The following EXPH5 variants were observed in gnomAD, a reference collection of about 807,000 sequenced individuals.
EXPH5 encodes the protein exophilin-5.
A neutral mutation model predicts 41.1 loss-of-function variants in EXPH5; 42 were observed. The observed-to-expected ratio is 1.02, with a 90% confidence interval of 0.80 to 1.32. EXPH5 has a LOEUF of 1.32. EXPH5 is among the 40% of genes most tolerant of loss of function. The pLI, the probability that EXPH5 is intolerant of heterozygous loss-of-function variation, is 0.00. For missense variants in EXPH5, 2,298 were observed against 2,314.5 expected (o/e 0.99, Z 0.15); for synonymous variants, 798 against 833.5 (o/e 0.96, Z 0.73).
chr11:108,584,319 TA>T (rs901534068), intron 1 of EXPH5, among the ~76,000 whole-genome samples: 19 of 151,120 alleles, frequency 1.3e-4, no homozygotes, highest in African/African-American at 3.9e-4. Flanking sequence ...CTACTAAAAA[TA>T]AAAAAAAATT....
At chr11:108,569,252 T>C (rs1055789513) in intron 1 of EXPH5, among the ~76,000 whole-genome samples, 1 of 152,168 alleles carries the variant, frequency 6.6e-6, no homozygotes, top group African/African-American at 2.4e-5. Flanking sequence ...AGACTTCCCA[T>C]GAAGTTAAAT....
chr11:108,517,875 C>T (rs1042807752), intron 5 of EXPH5, among the ~76,000 whole-genome samples: 5 of 152,086 alleles, frequency 3.3e-5, no homozygotes, highest in African/African-American at 1.2e-4. Context: ...TCTCCTGCCT[C>T]AGCCTCCCAA....
chr11:108,516,462 CTTTTGAGG>C (rs2093727619), intron 5 of EXPH5, among the ~76,000 whole-genome samples: 1 of 152,122 alleles, frequency 6.6e-6, no homozygotes, highest in Non-Finnish European at 1.5e-5. Context: ...GAATCATAAT[CTTTTGAGG>C]TGTGTAGACT....
chr11:108,510,556 C>T lies in EXPH5; in HGVS notation c.4951G>A (p.Ala1651Thr), dbSNP rs1354863795. ...PLFPEPTPKS[A>T]ESIGESRLSE... is the part of the protein sequence containing the mutation. ...AACCTGCTTTCGCCAATGGACTCTG[C>T]AGATTTTGGAGTAGGCTCAGGGAAC... Residue 1651 changes from alanine to threonine, a missense_variant, in exon 6 of 6, where the codon GCA becomes ACA. Ala to Thr is a moderately conservative substitution (Grantham distance 58, BLOSUM62 0). Coordinates refer to ENST00000265843, the MANE Select transcript of EXPH5 (RefSeq NM_015065.3). 8 of 1,613,976 alleles carry T rather than the reference C, an allele frequency of 5.0e-6. No individual in the cohort carries two copies. Among genetic ancestry groups the T allele is most frequent in the Non-Finnish European group, 6.8e-6 (8 of 1,180,010 alleles).
chr11:108,530,809 C>G (rs2093832713), intron 3 of EXPH5, among the ~76,000 whole-genome samples: 1 of 152,162 alleles, frequency 6.6e-6, no homozygotes, highest in Non-Finnish European at 1.5e-5. Context: ...TGAGGGCGTG[C>G]CGCTAGTGGA....
At position 108,546,888 on chromosome 11, in the gene EXPH5, C is replaced by T. The variant is rs148585736; in HGVS notation, c.120-5076G>A. On this transcript the variant is annotated intron_variant, in intron 1 of 5. Transcript: ENST00000265843. ...CACAATCTCGGCTCACTGCAACCTC[C>T]GTCTCCCAGGTTCAAGTGATTCTCC... Among the ~76,000 whole-genome samples the T allele has an allele frequency of 8.5e-3, 1,298 of 151,890 alleles. 15 individuals are homozygous for T. The highest frequency in any genetic ancestry group is 0.029 in the African/African-American group (1,187 of 41,372).
At chr11:108,541,872 C>T (rs1344637163) in intron 1 of EXPH5, 60 bp from the exon 2 acceptor site, 7 of 1,368,138 alleles carry the variant, frequency 5.1e-6, no homozygotes. Flanking sequence ...CAAGCTCATC[C>T]TTAAATCAAT....
At chr11:108,593,343 T>A in intron 1 of EXPH5, 75 bp downstream of exon 1, 1 of 1,366,610 alleles carries the variant, frequency 7.3e-7, no homozygotes, top group Non-Finnish European at 1.0e-6. Flanking sequence ...CCGCGCGAGC[T>A]CAGCGCCTTC....
chr11:108,535,164 C>A (rs1315064045), intron 3 of EXPH5, among the ~76,000 whole-genome samples: 1 of 152,178 alleles, frequency 6.6e-6, no homozygotes, highest in African/African-American at 2.4e-5. Flanking sequence ...TGAATGAGCA[C>A]CCAAATATTC....
At chr11:108,602,102 T>C in the EXPH5 span, among the ~76,000 whole-genome samples, 1 of 152,208 alleles carries the variant, frequency 6.6e-6, no homozygotes, top group Non-Finnish European at 1.5e-5. Context: ...CTGGTCCAAC[T>C]GTGATGACAT....
chr11:108,528,025 A>G, intron 4 of EXPH5, 111 bp downstream of exon 4: 1 of 682,508 alleles, frequency 1.5e-6, no homozygotes. Flanking sequence ...CCAAGCTTCT[A>G]AAATAAATTT....
intron 4 of EXPH5, among the ~76,000 whole-genome samples, chr11:108,519,275 G>A (rs1228645294): frequency 6.6e-6 from 1 of 152,174 alleles, no homozygotes; most frequent in Non-Finnish European, 1.5e-5. Context: ...AAGTGGTGGG[G>A]TGTGGTAACA....
At position 108,510,824 on chromosome 11, in the gene EXPH5, C is replaced by T; in HGVS notation, c.4683G>A (p.Lys1561=). Residue 1561 remains lysine (K), a synonymous_variant, in exon 6 of 6, where the codon AAG becomes AAA. Transcript: ENST00000265843. The part of the protein sequence containing the change: ...ESRKAEDEMQ[K]SAWDQPSLPE... ...GAAGTGAAGGTTGATCCCAAGCTGA[C>T]TTCTGCATTTCATCTTCAGCCTTCC... 6.2e-7 allele frequency: 1 copy of T among 1,614,154 alleles called. No homozygotes were observed. Among genetic ancestry groups the T allele is most frequent in the Non-Finnish European group, 8.5e-7 (1 of 1,179,998 alleles).
At position 108,518,230 on chromosome 11, in the gene EXPH5, C is replaced by T. The variant is rs773667828; in HGVS notation, c.631+5G>A. The T allele has an allele frequency of 6.2e-7, 1 of 1,611,004 alleles. No homozygotes were observed. Among genetic ancestry groups the T allele is most frequent in the East Asian group, 2.2e-5 (1 of 44,816 alleles). On this transcript the variant is annotated splice_donor_5th_base_variant and intron_variant, in intron 5 of 5. Coordinates refer to ENST00000265843, the MANE Select transcript of EXPH5 (RefSeq NM_015065.3). ...TTGCAAAGGCAATTTAATGCATGAACTTACCTTGGAAAAACTCATTCTCCA... is the reference window on the plus strand; with the variant it reads ...TTGCAAAGGCAATTTAATGCATGAATTTACCTTGGAAAAACTCATTCTCCA...
In EXPH5 at chr11:108,513,436, T is replaced by G. The variant is rs1220079642; in HGVS notation, c.2071A>C (p.Asn691His). ...TTATTTACTTCTGTGACCAAGATAT[T>G]GGGCTGGCTTTTGGCAAGAGGCAGA... ...DSLPLAKSQP[N>H]ILVTEVNNEK... The change falls in exon 6 of 6, where the codon AAT becomes CAT. Residue 691 changes from asparagine (N) to histidine (H), a missense_variant. Coordinates refer to ENST00000265843, the MANE Select transcript of EXPH5 (RefSeq NM_015065.3). 1 of 1,613,442 alleles carries G rather than the reference T, an allele frequency of 6.2e-7. No individual in the cohort carries two copies. The highest frequency in any genetic ancestry group is 8.5e-7 in the Non-Finnish European group (1 of 1,179,730).
At chr11:108,535,210 G>C (rs1389683783) in intron 3 of EXPH5, among the ~76,000 whole-genome samples, 1 of 152,152 alleles carries the variant, frequency 6.6e-6, no homozygotes, top group East Asian at 1.9e-4. Context: ...AGCTCCCTGT[G>C]CCTTACTTCA....
chr11:108,572,651 C>T (rs2094064614), intron 1 of EXPH5, among the ~76,000 whole-genome samples: 1 of 152,184 alleles, frequency 6.6e-6, no homozygotes, highest in South Asian at 2.1e-4. Flanking sequence ...CTTTGCCTCC[C>T]AGGTTCAAGC....
chr11:108,573,648 T>C (rs2094070403), intron 1 of EXPH5, among the ~76,000 whole-genome samples: 1 of 152,372 alleles, frequency 6.6e-6, no homozygotes, highest in Middle Eastern at 3.4e-3. Flanking sequence ...AATGGTACTA[T>C]GACAATTTGC....
At chr11:108,517,828 G>A (rs753944365) in intron 5 of EXPH5, among the ~76,000 whole-genome samples, 3 of 151,514 alleles carry the variant, frequency 2.0e-5, no homozygotes, top group East Asian at 1.9e-4. Context: ...GCATGATCTC[G>A]GCTCATTGCA....
Sources: gnomAD v4.1 joint callset for allele counts (sites outside exome capture counted in the v4.1 genomes callset) on GRCh38, gnomAD v4.1.1 for gene constraint, MANE v1.5 for transcripts, NCBI Gene and HGNC (gene_info 2026-07-23, HGNC 2026-07-21) for gene names.